The following AAK1 variants were observed in gnomAD, a reference collection of about 807,000 sequenced individuals.
AAK1 encodes AP2 associated kinase 1, also known as AP2-associated protein kinase 1.
In AAK1, 37 loss-of-function variants were observed where a neutral mutation model predicts 116.0. The ratio of observed to expected loss-of-function variants is 0.32; its 90% confidence interval spans 0.25 to 0.42. AAK1 has a LOEUF of 0.42. Among genes scored for constraint, AAK1 ranks in the 10% least tolerant of loss-of-function variants. The pLI is 1.00. For missense variants in AAK1, 919 were observed against 1,170.6 expected (o/e 0.79, Z 3.14); for synonymous variants, 458 against 439.9 (o/e 1.04, Z -0.51).
chr2:69,543,996 T>C (rs1553414297), intron 4 of AAK1, among the ~76,000 whole-genome samples: 1 of 152,140 alleles, frequency 6.6e-6, no homozygotes, highest in Non-Finnish European at 1.5e-5. Context: ...GGAGGGTCAC[T>C]TCCATTAGAC....
At chr2:69,478,787 G>C (rs1674965463) in intron 20 of AAK1, 164 bp downstream of exon 20, 2 of 590,862 alleles carry the variant, frequency 3.4e-6, no homozygotes, top group African/African-American at 3.8e-5. Flanking sequence ...TTCTCACTGA[G>C]AGGTATTATA....
chr2:69,470,770 A>G lies in AAK1; in HGVS notation c.*5099T>C, dbSNP rs1198737368. 1 of 985,664 alleles carries G rather than the reference A, an allele frequency of 1.0e-6. No homozygotes were observed. The highest frequency in any genetic ancestry group is 1.2e-6 in the Non-Finnish European group (1 of 829,932). The allele number at this position is 985,664 out of a possible 1,614,324, so 61.1% of individuals were successfully genotyped here. A position where few individuals can be genotyped will look rare whatever the true frequency, so the allele number is the denominator to read the frequency against. On this transcript the variant is annotated 3_prime_UTR_variant, in exon 22 of 22. Coordinates refer to ENST00000409085, the MANE Select transcript of AAK1 (RefSeq NM_014911.5). ...TCTCAGGTAGCCATGATTCATTAAT[A>G]TGTCCTCAGTGTGTAGCTATACTTT...
In AAK1 at chr2:69,468,436, AC is replaced by A. The variant is rs1476457518; in HGVS notation, c.*7432del. The A allele has an allele frequency of 7.1e-6, 7 of 985,334 alleles. No individual in the cohort carries two copies. The African/African-American group carries it at 1.2e-4, about 17-fold the overall frequency. The allele number at this position is 985,334 out of a possible 1,614,324, so 61.0% of individuals were successfully genotyped here. ...ACCTTCCTCACATAGTATCAGTTGG[AC>A]AAAGTTTTCAGTTGCCAAAACAAAA... On this transcript the variant is annotated 3_prime_UTR_variant, in exon 22 of 22. Coordinates refer to ENST00000409085, the MANE Select transcript of AAK1 (RefSeq NM_014911.5).
chr2:69,587,652 G>C (rs892916386), intron 2 of AAK1, among the ~76,000 whole-genome samples: 9 of 151,840 alleles, frequency 5.9e-5, no homozygotes, highest in Non-Finnish European at 1.3e-4. Flanking sequence ...TTTTAGTAGA[G>C]ACTGGGTTTC....
chr2:69,634,373 A>G (rs993844034), intron 2 of AAK1, among the ~76,000 whole-genome samples: 1 of 152,182 alleles, frequency 6.6e-6, no homozygotes, highest in Non-Finnish European at 1.5e-5. Flanking sequence ...TGGAGTAATA[A>G]CCATGCTTTC....
intron 8 of AAK1, among the ~76,000 whole-genome samples, chr2:69,529,505 T>C (rs1670157728): frequency 6.6e-6 from 1 of 152,212 alleles, no homozygotes; most frequent in Admixed American, 6.5e-5. Context: ...TAAGACTATT[T>C]TTAAGAAAGC....
rs139105045 is a variant in AAK1 at position 69,559,249 on chromosome 2, A to ATC, written c.164-2273_164-2272dup. On this transcript the variant is annotated intron_variant, in intron 2 of 21. Coordinates refer to ENST00000409085, the MANE Select transcript of AAK1 (RefSeq NM_014911.5). ...GCATTGACACTTAGAGGTCTTATCT[A>ATC]TCTCTCTCTCTCTCACACACACACA... is the stretch of plus-strand genomic sequence containing the variant. 8.9e-3 allele frequency among the ~76,000 whole-genome samples: 1,243 copies of ATC among 139,522 alleles called. 13 individuals are homozygous for ATC. Among genetic ancestry groups the ATC allele is most frequent in the African/African-American group, 0.032 (1,154 of 35,798 alleles). The allele number at this position is 139,522 out of a possible 152,430, so 91.5% of individuals were successfully genotyped here.
intron 12 of AAK1, 151 bp downstream of exon 12, chr2:69,518,803 T>C (rs1676699515): frequency 1.2e-5 from 15 of 1,210,858 alleles, no homozygotes; most frequent in Non-Finnish European, 1.7e-5. Context: ...GTGTGAGTGA[T>C]GGATCCGCTT....
chr2:69,492,559 G>A (rs141297759), intron 17 of AAK1, among the ~76,000 whole-genome samples: 2 of 116,660 alleles, frequency 1.7e-5, no homozygotes, highest in East Asian at 5.3e-4. Context: ...GTCTTGCTCT[G>A]TCGCCCAGGA....
At chr2:69,578,099 G>A (rs1009711428) in intron 2 of AAK1, among the ~76,000 whole-genome samples, 3 of 152,132 alleles carry the variant, frequency 2.0e-5, no homozygotes, top group Non-Finnish European at 2.9e-5. Context: ...CAGCTTTCAA[G>A]CAGTAATTAA....
In AAK1 at chr2:69,473,482, A is replaced by T; in HGVS notation, c.*2387T>A. On this transcript the variant is annotated 3_prime_UTR_variant, in exon 22 of 22. Coordinates refer to ENST00000409085, the MANE Select transcript of AAK1 (RefSeq NM_014911.5). ...CCTTTGAGGAGGCCTTACTCTAAAT[A>T]AGCCCAAGACAATTTCTTGTCATTA... The T allele has an allele frequency of 2.0e-6, 2 of 985,388 alleles. No individual in the cohort carries two copies. Among genetic ancestry groups the T allele is most frequent in the Non-Finnish European group, 2.4e-6 (2 of 829,920 alleles). 61.0% of individuals were successfully genotyped at this position (985,388 alleles called of 1,614,324 possible).
At chr2:69,614,844 G>C (rs1452704252) in intron 2 of AAK1, among the ~76,000 whole-genome samples, 2 of 152,282 alleles carry the variant, frequency 1.3e-5, no homozygotes, top group South Asian at 4.2e-4. Context: ...AACTGAGACA[G>C]GGACTGGAGT....
chr2:69,597,707 CAA>C (rs34117119), intron 2 of AAK1: 16,558 of 146,942 alleles, frequency 0.11, 2,118 homozygotes, highest in African/African-American at 0.29. Flanking sequence ...CCATCTCTAC[CAA>C]AAAAAAAAAA....
chr2:69,469,141 A>C lies in AAK1; in HGVS notation c.*6728T>G. Reference sequence around the variant, plus strand: ...TTGTCCTGAGAAGGCCAAGTCCCTTAACCTTTCTATTCTTGTTAGAGGAGG... The same window carrying C: ...TTGTCCTGAGAAGGCCAAGTCCCTTCACCTTTCTATTCTTGTTAGAGGAGG... On this transcript the variant is annotated 3_prime_UTR_variant, in exon 22 of 22. Transcript: ENST00000409085. 1 of 985,458 alleles carries C rather than the reference A, an allele frequency of 1.0e-6. No homozygotes were observed. The highest frequency in any genetic ancestry group is 6.1e-5 in the Admixed American group (1 of 16,276). The allele number at this position is 985,458 out of a possible 1,614,324, so 61.0% of individuals were successfully genotyped here.
intron 10 of AAK1, among the ~76,000 whole-genome samples, chr2:69,523,527 T>C (rs916961619): frequency 2.0e-5 from 3 of 152,196 alleles, no homozygotes; most frequent in Non-Finnish European, 4.4e-5. Flanking sequence ...CCAGGGTACT[T>C]TGTTGACGCA....
chr2:69,466,071 T>C lies in AAK1; in HGVS notation c.*9798A>G. The C allele has an allele frequency of 7.7e-7, 1 of 1,290,974 alleles. No individual in the cohort carries two copies. Among genetic ancestry groups the C allele is most frequent in the African/African-American group, 1.5e-5 (1 of 65,966 alleles). The allele number at this position is 1,290,974 out of a possible 1,614,324, so 80.0% of individuals were successfully genotyped here. ...GACAAATGGGGCTTTGGAGAAAATGTCCATGTCATCATTTGGAACCCTTGA... is the reference window on the plus strand; with the variant it reads ...GACAAATGGGGCTTTGGAGAAAATGCCCATGTCATCATTTGGAACCCTTGA... On this transcript the variant is annotated 3_prime_UTR_variant, in exon 22 of 22. Transcript: ENST00000409085.
chr2:69,633,001 A>C (rs1467425668), intron 2 of AAK1, among the ~76,000 whole-genome samples: 2 of 151,414 alleles, frequency 1.3e-5, no homozygotes, highest in Non-Finnish European at 2.9e-5. Context: ...CCACTGCACT[A>C]CAGCCTGGGT....
intron 2 of AAK1, among the ~76,000 whole-genome samples, chr2:69,569,299 T>C (rs1198929861): frequency 6.6e-6 from 1 of 152,194 alleles, no homozygotes; most frequent in Non-Finnish European, 1.5e-5. Context: ...CCACCACTTG[T>C]AGAATCTACA....
At chr2:69,492,999 G>A (rs1675591397) in intron 17 of AAK1, among the ~76,000 whole-genome samples, 1 of 151,514 alleles carries the variant, frequency 6.6e-6, no homozygotes, top group African/African-American at 2.4e-5. Context: ...TAGAGACACT[G>A]AACCCTGAGC....
Sources: allele counts gnomAD v4.1 joint callset (sites outside exome capture counted in the v4.1 genomes callset), GRCh38; gene constraint gnomAD v4.1.1; transcripts MANE v1.5; gene names NCBI Gene and HGNC (gene_info 2026-07-23, HGNC 2026-07-21).